The following TRPM3 variants were observed in gnomAD, a reference collection of about 807,000 sequenced individuals.
TRPM3 encodes long transient receptor potential channel 3.
Under a neutral mutation model 181.2 loss-of-function variants are expected in TRPM3, and 77 were observed. That is an observed-to-expected ratio of 0.42 (90% CI 0.35 to 0.51). The LOEUF (loss-of-function observed/expected upper bound fraction) is 0.51, where lower values mean the gene tolerates loss of function less well. TRPM3 is among the 20% of genes least tolerant of loss of function. TRPM3 has a pLI of 0.01. For missense variants in TRPM3, 1,759 were observed against 2,196.7 expected, an observed-to-expected ratio of 0.80 and a Z score of 3.98; for synonymous variants, 745 against 796.4, an observed-to-expected ratio of 0.94 and a Z score of 1.09.
intron 1 of TRPM3, among the ~76,000 whole-genome samples, chr9:70,875,566 A>G (rs901113900): frequency 6.6e-6 from 1 of 151,934 alleles, no homozygotes; most frequent in South Asian, 2.1e-4. Flanking sequence ...ATCTATTTCA[A>G]TGACACTTCA....
At chr9:70,659,033 T>G (rs1188289256) in intron 9 of TRPM3, among the ~76,000 whole-genome samples, 4 of 152,138 alleles carry the variant, frequency 2.6e-5, no homozygotes, top group Admixed American at 2.6e-4. Flanking sequence ...GAGCATATTT[T>G]TTTCTCTCTA....
chr9:71,000,958 A>G (rs1267677576), intron 1 of TRPM3, among the ~76,000 whole-genome samples: 1 of 152,224 alleles, frequency 6.6e-6, no homozygotes, highest in Non-Finnish European at 1.5e-5. Context: ...CTACATAACA[A>G]CCAAAACACC....
chr9:71,237,721 T>G (rs1018306516), intron 1 of TRPM3, among the ~76,000 whole-genome samples: 1 of 152,222 alleles, frequency 6.6e-6, no homozygotes, highest in African/African-American at 2.4e-5. Flanking sequence ...TAACAGAATA[T>G]CTGAACTGGG....
intron 21 of TRPM3, among the ~76,000 whole-genome samples, chr9:70,592,920 TG>T (rs2058367785): frequency 6.6e-6 from 1 of 152,136 alleles, no homozygotes; most frequent in Admixed American, 6.5e-5. Context: ...TTAATAGAGA[TG>T]GGGTTTCACC....
chr9:70,948,083 G>A (rs2096955540), intron 1 of TRPM3, among the ~76,000 whole-genome samples: 3 of 148,182 alleles, frequency 2.0e-5, no homozygotes, highest in African/African-American at 7.8e-5. Context: ...CCAAAATACA[G>A]CTCCTATATT....
intron 1 of TRPM3, among the ~76,000 whole-genome samples, chr9:71,220,369 T>TTATTAC (rs1166090590): frequency 6.7e-6 from 1 of 150,202 alleles, no homozygotes; most frequent in African/African-American, 2.4e-5. Flanking sequence ...ATTATTATTA[T>TTATTAC]TATTATTATT....
intron 1 of TRPM3, among the ~76,000 whole-genome samples, chr9:71,105,959 T>G (rs1320900890): frequency 6.6e-6 from 1 of 152,138 alleles, no homozygotes; most frequent in Non-Finnish European, 1.5e-5. Context: ...CATGGCTGAT[T>G]TTTTTTAAAT....
chr9:71,349,987 ATATATATATATATATG>A (rs34589475), intron 1 of TRPM3, among the ~76,000 whole-genome samples: 73,316 of 129,566 alleles, frequency 0.57, 18,900 homozygotes, highest in East Asian at 0.7. Flanking sequence ...ATATATATAT[ATATATATATATATATG>A]GGCCTAAAAA....
chr9:70,652,083 C>T (rs1425615140), intron 9 of TRPM3, among the ~76,000 whole-genome samples: 1 of 151,802 alleles, frequency 6.6e-6, no homozygotes, highest in Non-Finnish European at 1.5e-5. Flanking sequence ...ATTCTGGAGA[C>T]AAAAAATGCT....
At chr9:70,569,068 A>G (rs534096353) in intron 22 of TRPM3, among the ~76,000 whole-genome samples, 18 of 152,314 alleles carry the variant, frequency 1.2e-4, no homozygotes, top group African/African-American at 4.3e-4. Context: ...TCCTTTGTAA[A>G]TGAGTAAACT....
intron 1 of TRPM3, among the ~76,000 whole-genome samples, chr9:70,993,916 A>G (rs1462673456): frequency 1.3e-5 from 2 of 152,112 alleles, no homozygotes; most frequent in Non-Finnish European, 2.9e-5. Context: ...GGGGGAAAAC[A>G]GGCAAATTGC....
chr9:71,038,571 C>G (rs1396694196), intron 1 of TRPM3, among the ~76,000 whole-genome samples: 4 of 152,126 alleles, frequency 2.6e-5, no homozygotes, highest in Admixed American at 6.6e-5. Context: ...TCCTTATCAT[C>G]TTCCCTTTCT....
chr9:70,969,755 T>TA lies in TRPM3; in HGVS notation c.178-105245_178-105244insT, dbSNP rs2097220059. Among the ~76,000 whole-genome samples, 9 of 84,308 alleles carry TA rather than the reference T, an allele frequency of 1.1e-4. No individual in the cohort carries two copies. In the South Asian group the frequency reaches 2.6e-3, roughly 24 times the overall value. 55.3% of individuals were successfully genotyped at this position (84,308 alleles called of 152,430 possible). A position where few individuals can be genotyped will look rare whatever the true frequency, so the allele number is the denominator to read the frequency against. ...AGGATTGTTGTGAAGACTGAATGAT[T>TA]TTATATATATATATATATATATATA... is the stretch of plus-strand genomic sequence containing the variant. On this transcript the variant is annotated intron_variant, in intron 1 of 25. Transcript: ENST00000677713.
In TRPM3 at chr9:71,392,607, C is replaced by A. The variant is rs137881153; in HGVS notation, c.183+54046G>T. ...TTCAGATATGGCTTTAAAGTAGTAT[C>A]TTCCCCTATGCCTCTCTATCAGAAG... On this transcript the variant is annotated intron_variant, in intron 1 of 24. Transcript: ENST00000357533. 1.1e-4 allele frequency among the ~76,000 whole-genome samples: 16 copies of A among 152,142 alleles called. No homozygotes were observed. The South Asian group carries it at 2.1e-3, about 20-fold the overall frequency.
intron 9 of TRPM3, among the ~76,000 whole-genome samples, chr9:70,670,626 A>G (rs555179091): frequency 2.0e-5 from 3 of 152,242 alleles, no homozygotes; most frequent in Middle Eastern, 3.4e-3. Context: ...GTTTTTTTCA[A>G]ATTTATGAGT....
chr9:71,027,021 TGCTGCCACCACCCTATGAAGTACTTTGTG>T (rs1489484251), intron 1 of TRPM3, among the ~76,000 whole-genome samples: 1 of 152,158 alleles, frequency 6.6e-6, no homozygotes, highest in Non-Finnish European at 1.5e-5. Flanking sequence ...GGATGAATCC[TGCTGCCACCACCCTATGAAGTACTTTGTG>T]GCTGCCACCA....
chr9:71,204,830 T>C lies in TRPM3; in HGVS notation c.183+241823A>G, dbSNP rs190256668. On this transcript the variant is annotated intron_variant, in intron 1 of 24. Coordinates refer to the TRPM3 transcript ENST00000357533. The stretch of plus-strand genomic sequence containing the variant: ...AACCAAGCGAAATGTCCAACAATGA[T>C]AGACTGGATTAAGAAAATGTGGCAC... 1.2e-3 allele frequency among the ~76,000 whole-genome samples: 183 copies of C among 152,234 alleles called. 2 individuals are homozygous for C. The East Asian group carries it at 0.032, about 27-fold the overall frequency.
intron 3 of TRPM3, among the ~76,000 whole-genome samples, chr9:70,857,395 A>G (rs2095414868): frequency 6.6e-6 from 1 of 152,204 alleles, no homozygotes; most frequent in African/African-American, 2.4e-5. Flanking sequence ...AAAGTACTCG[A>G]AAAGGCACAG....
At chr9:70,847,567 G>A (rs1350015281) in intron 3 of TRPM3, among the ~76,000 whole-genome samples, 3 of 152,108 alleles carry the variant, frequency 2.0e-5, no homozygotes, top group Admixed American at 1.3e-4. Flanking sequence ...CATGCAGGGG[G>A]GAATTGAATG....
Sources: gnomAD v4.1 joint callset for allele counts (sites outside exome capture counted in the v4.1 genomes callset) on GRCh38, gnomAD v4.1.1 for gene constraint, MANE v1.5 for transcripts, NCBI Gene and HGNC (gene_info 2026-07-23, HGNC 2026-07-21) for gene names.